UMOD: variants seen among roughly 807,000 people sequenced by gnomAD.
The protein encoded by UMOD is Tamm-Horsfall urinary glycoprotein.
In UMOD, 64 loss-of-function variants were observed where a neutral mutation model predicts 66.0. The observed-to-expected ratio is 0.97, with a 90% CI of 0.79 to 1.19. UMOD has a LOEUF of 1.19. UMOD is among the 50% of genes most tolerant of loss of function. The pLI, the probability that UMOD is intolerant of heterozygous loss-of-function variation, is 0.00. For synonymous variants in UMOD, 398 were observed against 352.7 expected (o/e 1.13, Z -1.44); for missense variants, 764 against 850.9 (o/e 0.90, Z 1.27).
At chr16:20,351,483 G>A (rs957708735) in intron 1 of UMOD, 2 of 156,022 alleles carry the variant, frequency 1.3e-5, no homozygotes, top group Non-Finnish European at 2.8e-5. Context: ...TGTTGGTTAA[G>A]TATGTAGGAG....
intron 1 of UMOD, 147 bp downstream of exon 1, chr16:20,352,542 T>C (rs1284819857): frequency 1.0e-5 from 5 of 489,428 alleles, no homozygotes; most frequent in Non-Finnish European, 1.6e-5. Context: ...ACTAACTTAC[T>C]AAAGATCATG....
upstream of UMOD, among the ~76,000 whole-genome samples, chr16:20,353,690 T>C (rs28362063): frequency 0.14 from 21,291 of 152,112 alleles, 1,814 homozygotes; most frequent in Middle Eastern, 0.18. Context: ...GCTGTCATCA[T>C]GTTGAGAAAA....
chr16:20,355,279 T>C (rs1966012813), upstream of UMOD, among the ~76,000 whole-genome samples: 1 of 152,168 alleles, frequency 6.6e-6, no homozygotes, highest in African/African-American at 2.4e-5. Flanking sequence ...TGTTACCAAA[T>C]TCAATCAATA....
intron 7 of UMOD, among the ~76,000 whole-genome samples, chr16:20,337,945 G>A (rs924947037): frequency 1.3e-5 from 2 of 152,140 alleles, no homozygotes; most frequent in South Asian, 2.1e-4. Flanking sequence ...CAGTTAGAAG[G>A]AGAAACCCGA....
chr16:20,351,303 C>T (rs1416806352), intron 1 of UMOD: 1 of 181,556 alleles, frequency 5.5e-6, no homozygotes, highest in African/African-American at 2.4e-5. Context: ...TCATGCAACT[C>T]ACATATCGTA....
chr16:20,350,834 G>C lies in UMOD; in HGVS notation c.-97C>G. The C allele has an allele frequency of 6.4e-7, 1 of 1,573,590 alleles. No individual in the cohort carries two copies. Among genetic ancestry groups the C allele is most frequent in the Non-Finnish European group, 8.6e-7 (1 of 1,160,426 alleles). On this transcript the variant is annotated 5_prime_UTR_variant, in exon 2 of 11. Transcript: ENST00000396138. Reference sequence around the variant, plus strand: ...ATTTTTCTCTCTGTCTCTGATGTCTGGTGTCCTGTGAACAGAGATGGATGG... The same window carrying C: ...ATTTTTCTCTCTGTCTCTGATGTCTCGTGTCCTGTGAACAGAGATGGATGG...
chr16:20,343,002 C>A (rs1188064982), intron 6 of UMOD, among the ~76,000 whole-genome samples: 1 of 152,026 alleles, frequency 6.6e-6, no homozygotes, highest in Non-Finnish European at 1.5e-5. Flanking sequence ...TGGTGGTGGG[C>A]ACCTATAATC....
At chr16:20,341,491 G>T (rs767898116) in intron 6 of UMOD, among the ~76,000 whole-genome samples, 155 bp from the exon 7 acceptor site, 1 of 152,164 alleles carries the variant, frequency 6.6e-6, no homozygotes, top group Non-Finnish European at 1.5e-5. Flanking sequence ...TTTGCAAACC[G>T]CAATAAGTAC....
rs143236208 is a variant in UMOD, at chr16:20,333,746, C to T, written c.1862-371G>A. On this transcript the variant is annotated intron_variant, in intron 10 of 10. Transcript: ENST00000396138. ...GGCTGAACTAGTTCAGGTCAAATGC[C>T]CGGTTAGCCGGGTGGGGTGGCTCAC... Among the ~76,000 whole-genome samples, 160 of 152,182 alleles carry T rather than the reference C, an allele frequency of 1.1e-3. 1 individual carries two copies. The highest frequency in any genetic ancestry group is 6.8e-3 in the Middle Eastern group (2 of 294).
chr16:20,338,116 C>T (rs996845767), intron 7 of UMOD, among the ~76,000 whole-genome samples: 4 of 152,322 alleles, frequency 2.6e-5, no homozygotes, highest in Admixed American at 2.0e-4. Context: ...GAGACGGGAG[C>T]TTCTGGGAGT....
chr16:20,349,259 T>A (rs1367279043), intron 2 of UMOD, 47 bp from the exon 3 acceptor site: 1 of 1,590,192 alleles, frequency 6.3e-7, no homozygotes, highest in Non-Finnish European at 8.6e-7. Flanking sequence ...GCTGGGCCCA[T>A]GGCCACCCAG....
At chr16:20,346,363 G>T (rs779796178) in intron 4 of UMOD, 29 bp from the exon 5 acceptor site, 6 of 1,612,620 alleles carry the variant, frequency 3.7e-6, no homozygotes, top group Non-Finnish European at 5.1e-6. Context: ...GATTGAGGAC[G>T]TGTGTCTATA....
At chr16:20,354,236 A>C (rs1293321170), upstream of UMOD, among the ~76,000 whole-genome samples, 2 of 152,182 alleles carry the variant, frequency 1.3e-5, no homozygotes, top group Non-Finnish European at 2.9e-5. Flanking sequence ...TGTCCCACTC[A>C]GTGGTAGGGT....
intron 1 of UMOD, among the ~76,000 whole-genome samples, chr16:20,351,809 G>A (rs1489156336): frequency 6.6e-6 from 1 of 152,094 alleles, no homozygotes; most frequent in Non-Finnish European, 1.5e-5. Context: ...CACAAGGTCA[G>A]GAGTTTGAGA....
chr16:20,339,137 A>T (rs71384446), intron 7 of UMOD, among the ~76,000 whole-genome samples: 10 of 152,046 alleles, frequency 6.6e-5, no homozygotes, highest in African/African-American at 2.2e-4. Context: ...GAATAGAAAA[A>T]CCCAGAGAGA....
rs1172018079 is a variant in UMOD, at chr16:20,349,155, G to C, written c.146C>G (p.Thr49Arg). 6.2e-7 allele frequency: 1 copy of C among 1,614,100 alleles called. No individual in the cohort carries two copies. Among genetic ancestry groups the C allele is most frequent in the African/African-American group, 1.3e-5 (1 of 75,060 alleles). The change falls in exon 3 of 11, where the codon ACG becomes AGG. Residue 49 changes from threonine (T) to arginine (R), a missense_variant. Physicochemically the swap from Thr to Arg is moderately conservative, Grantham distance 71. Transcript: ENST00000396138. ...GGTGAAGCCCTCCTGACAGGTGCACGTCGTAACGGCCTCATCCTCCGTGCA... is the reference window on the plus strand; with the variant it reads ...GGTGAAGCCCTCCTGACAGGTGCACCTCGTAACGGCCTCATCCTCCGTGCA... ...ATCTEDEAVT[T>R]CTCQEGFTGD...
intron 10 of UMOD, among the ~76,000 whole-genome samples, chr16:20,334,695 A>C (rs971292526): frequency 6.6e-6 from 1 of 152,036 alleles, no homozygotes; most frequent in African/African-American, 2.4e-5. Flanking sequence ...GCTCAAGCCC[A>C]GCCCTCCAGC....
In UMOD at chr16:20,346,208, G is replaced by T; in HGVS notation, c.1100C>A (p.Ser367Ter). 1 of 1,614,204 alleles carries T rather than the reference G, an allele frequency of 6.2e-7. No homozygotes were observed. Among genetic ancestry groups the T allele is most frequent in the Non-Finnish European group, 8.5e-7 (1 of 1,180,042 alleles). The change falls in exon 5 of 11, where the codon TCG becomes TAG. Residue 367 changes from serine to a stop codon, truncating the protein, a stop_gained. Transcript: ENST00000396138. LOFTEE classifies it high-confidence loss of function. ...VFMYLSDSRC[S>*]GFNDRDNRDW... ...CCGGTTGTCTCTGTCATTGAAGCCCGAGCACCGGCTGTCACTCAGGTACAT... is the reference window on the plus strand; with the variant it reads ...CCGGTTGTCTCTGTCATTGAAGCCCTAGCACCGGCTGTCACTCAGGTACAT...
chr16:20,340,864 T>C (rs1458997824), intron 7 of UMOD, among the ~76,000 whole-genome samples: 1 of 151,946 alleles, frequency 6.6e-6, no homozygotes, highest in Admixed American at 6.6e-5. Flanking sequence ...CCTGCTGGCC[T>C]CTGCCTGTAA....
Sources: gnomAD v4.1 joint callset for allele counts (sites outside exome capture counted in the v4.1 genomes callset) on GRCh38, gnomAD v4.1.1 for gene constraint, MANE v1.5 for transcripts, NCBI Gene and HGNC (gene_info 2026-07-23, HGNC 2026-07-21) for gene names.